Variants in STARD9 observed in about 807,000 individuals in gnomAD.
The protein encoded by STARD9 is StAR related lipid transfer domain containing 9.
A neutral mutation model predicts 399.8 loss-of-function variants in STARD9; 346 were observed. That is an observed-to-expected ratio of 0.87 (90% confidence interval 0.79 to 0.95). The LOEUF (loss-of-function observed/expected upper bound fraction) is 0.95. STARD9 is among the 40% of genes least tolerant of loss of function. The pLI, the probability that STARD9 is intolerant of heterozygous loss-of-function variation, is 0.00. For synonymous variants in STARD9, 2,203 were observed against 2,143.5 expected (o/e 1.03, Z -0.77); for missense variants, 5,832 against 5,667.5 (o/e 1.03, Z -0.93).
chr15:42,665,710 T>C lies in STARD9; in HGVS notation c.1255-76T>C. ...TTCCTTTATCTGCATCTTATCCTCC[T>C]CCACAAGTGTAAGGGTGGGACCTAC... On this transcript the variant is annotated intron_variant, in intron 14 of 32. Transcript: ENST00000290607. 5.9e-6 allele frequency: 7 copies of C among 1,185,126 alleles called. No individual in the cohort carries two copies. In the East Asian group the frequency reaches 1.8e-4, roughly 30 times the overall value. The allele number at this position is 1,185,126 out of a possible 1,614,324, so 73.4% of individuals were successfully genotyped here.
rs1403397809 is a variant in STARD9 at position 42,720,356 on chromosome 15, C to T, written c.*782C>T. The T allele has an allele frequency of 6.6e-6, 1 of 152,292 alleles. No homozygotes were observed. The highest frequency in any genetic ancestry group is 1.5e-5 in the Non-Finnish European group (1 of 68,132). The allele number at this position is 152,292 out of a possible 1,614,324, so 9.4% of individuals were successfully genotyped here. On this transcript the variant is annotated 3_prime_UTR_variant, in exon 33 of 33. Coordinates refer to ENST00000290607, the MANE Select transcript of STARD9 (RefSeq NM_020759.3). ...TTTGAGGACTGGTTGGAGTGGCAGC[C>T]AGATGGTGGCTGCTGACAAGGCAAG...
chr15:42,720,561 T>G lies in STARD9; in HGVS notation c.*987T>G, dbSNP rs1325387525. On this transcript the variant is annotated 3_prime_UTR_variant, in exon 33 of 33. Coordinates refer to ENST00000290607, the MANE Select transcript of STARD9 (RefSeq NM_020759.3). ...TGCCCTGGCCCCACCTATCCTAGGA[T>G]GGGGTGGGATGGAGAGTGGGTTCAG... 6.6e-6 allele frequency: 1 copy of G among 152,002 alleles called. No individual in the cohort carries two copies. Among genetic ancestry groups the G allele is most frequent in the Non-Finnish European group, 1.5e-5 (1 of 68,008 alleles). The allele number at this position is 152,002 out of a possible 1,614,324, so 9.4% of individuals were successfully genotyped here.
chr15:42,582,857 G>A (rs966746954), intron 1 of STARD9, among the ~76,000 whole-genome samples: 2 of 152,130 alleles, frequency 1.3e-5, no homozygotes, highest in African/African-American at 4.8e-5. Flanking sequence ...ACTGCTCCCC[G>A]CACTCTCTAG....
At chr15:42,652,174 A>G (rs553000467) in intron 8 of STARD9, among the ~76,000 whole-genome samples, 1 of 152,354 alleles carries the variant, frequency 6.6e-6, no homozygotes, top group South Asian at 2.1e-4. Context: ...AAAGTGAAAG[A>G]ATAAAATAAA....
chr15:42,595,431 T>A (rs1004158506), intron 3 of STARD9, among the ~76,000 whole-genome samples: 39 of 152,214 alleles, frequency 2.6e-4, no homozygotes, highest in African/African-American at 7.7e-4. Flanking sequence ...GTATTTCCAG[T>A]GCTGCACATC....
In STARD9 at chr15:42,575,658, C is replaced by CG. The variant is rs1396943535; in HGVS notation, c.-53dup. 1.3e-6 allele frequency: 2 copies of CG among 1,521,816 alleles called. No homozygotes were observed. The highest frequency in any genetic ancestry group is 2.7e-5 in the African/African-American group (2 of 72,788). 94.3% of individuals were successfully genotyped at this position (1,521,816 alleles called of 1,614,324 possible). A position where few individuals can be genotyped will look rare whatever the true frequency, so the allele number is the denominator to read the frequency against. On this transcript the variant is annotated 5_prime_UTR_variant, in exon 1 of 33. Transcript: ENST00000290607. Reference sequence around the variant, plus strand: ...GTTGGGGCTGTGTCTGGGCTTAGGGCGGGGGCCTGGGATGCTGCCGCTGAG... The same window carrying CG: ...GTTGGGGCTGTGTCTGGGCTTAGGGCGGGGGGCCTGGGATGCTGCCGCTGAG...
chr15:42,649,308 G>T (rs551002390), intron 7 of STARD9, among the ~76,000 whole-genome samples: 3 of 152,128 alleles, frequency 2.0e-5, no homozygotes, highest in Admixed American at 2.0e-4. Context: ...GATTACAGGC[G>T]TGAGCCACTG....
chr15:42,634,395 T>C (rs1233155760), intron 3 of STARD9, among the ~76,000 whole-genome samples: 1 of 152,190 alleles, frequency 6.6e-6, no homozygotes, highest in African/African-American at 2.4e-5. Context: ...AATAAATGCA[T>C]GTGGAAAACA....
chr15:42,687,410 T>A lies in STARD9; in HGVS notation c.5832T>A (p.Ala1944=), dbSNP rs1343641719. 3.3e-6 allele frequency: 5 copies of A among 1,536,934 alleles called. No homozygotes were observed. The highest frequency in any genetic ancestry group is 4.4e-6 in the Non-Finnish European group (5 of 1,146,924). The change falls in exon 23 of 33, where the codon GCT becomes GCA. Residue 1944 remains alanine, a synonymous_variant. Transcript: ENST00000290607. ...SLEKDMPGES[A]VSLKSRSVDR... ...AGAAAGACATGCCAGGGGAAAGTGC[T>A]GTTTCTTTGAAATCCAGATCAGTAG...
chr15:42,716,218 C>T (rs1003663946), intron 26 of STARD9, among the ~76,000 whole-genome samples: 1 of 152,140 alleles, frequency 6.6e-6, no homozygotes, highest in Non-Finnish European at 1.5e-5. Context: ...GGCTGCTGCA[C>T]CTGGGGTGGG....
At chr15:42,708,233 G>A (rs980679095) in intron 26 of STARD9, among the ~76,000 whole-genome samples, 2 of 152,246 alleles carry the variant, frequency 1.3e-5, no homozygotes, top group Non-Finnish European at 2.9e-5. Flanking sequence ...TGGTGTTTCA[G>A]TAGGGGATTA....
chr15:42,576,052 C>T (rs1595566247), intron 1 of STARD9, among the ~76,000 whole-genome samples: 1 of 152,162 alleles, frequency 6.6e-6, no homozygotes, highest in Non-Finnish European at 1.5e-5. Context: ...AGGCTTGCTG[C>T]ATCGGGTTGG....
At chr15:42,598,918 G>T (rs971789811) in intron 3 of STARD9, among the ~76,000 whole-genome samples, 3 of 151,738 alleles carry the variant, frequency 2.0e-5, no homozygotes, top group African/African-American at 4.8e-5. Context: ...TGTTTTTTTT[G>T]TTGTTGTTGT....
chr15:42,711,012 C>T (rs2061206943), intron 26 of STARD9, among the ~76,000 whole-genome samples: 2 of 151,536 alleles, frequency 1.3e-5, no homozygotes, highest in African/African-American at 4.9e-5. Flanking sequence ...GACAGGGTCT[C>T]TGTCACCTGG....
intron 26 of STARD9, among the ~76,000 whole-genome samples, chr15:42,716,243 CT>C (rs2061347461): frequency 6.6e-6 from 1 of 152,140 alleles, no homozygotes; most frequent in Non-Finnish European, 1.5e-5. Flanking sequence ...AAGCGTTCAG[CT>C]TTTCATAGCC....
intron 15 of STARD9, among the ~76,000 whole-genome samples, chr15:42,668,431 A>G (rs575026169): frequency 2.6e-5 from 4 of 151,566 alleles, no homozygotes; most frequent in Non-Finnish European, 5.9e-5. Flanking sequence ...GATAAGCTCA[A>G]TGCTTAGGCA....
At position 42,684,651 on chromosome 15, in the gene STARD9, G is replaced by A. The variant is rs917081937; in HGVS notation, c.3073G>A (p.Val1025Ile). The part of the protein sequence containing the change: ...PRQTAGHGKA[V>I]KTFWTEYKPP... The stretch of plus-strand genomic sequence containing the variant: ...GCAGACTGCTGGGCACGGAAAGGCA[G>A]TCAAGACTTTTTGGACAGAATACAA... Residue 1025 changes from valine (V) to isoleucine (I), a missense_variant, in exon 23 of 33, where the codon GTC becomes ATC. Transcript: ENST00000290607. 2 of 1,537,184 alleles carry A rather than the reference G, an allele frequency of 1.3e-6. No individual in the cohort carries two copies. The highest frequency in any genetic ancestry group is 3.9e-5 in the Admixed American group (2 of 50,988).
rs969912970 is a variant in STARD9 at position 42,685,251 on chromosome 15, G to A, written c.3673G>A (p.Gly1225Ser). 9 of 1,537,328 alleles carry A rather than the reference G, an allele frequency of 5.9e-6. No individual in the cohort carries two copies. The highest frequency in any genetic ancestry group is 2.0e-5 in the Admixed American group (1 of 50,978). ...AGATCAGCAAGAAGAACCTTTCCCT[G>A]GTTCAGCTGACGAGATACCCACAGA... Reference protein sequence around the residue: ...GEDQQEEPFPGSADEIPTETF... With the variant: ...GEDQQEEPFPSSADEIPTETF... Residue 1225 changes from glycine to serine, a missense_variant, in exon 23 of 33, where the codon GGT becomes AGT. Gly to Ser is a moderately conservative substitution (Grantham distance 56). Coordinates refer to ENST00000290607, the MANE Select transcript of STARD9 (RefSeq NM_020759.3).
In STARD9 at chr15:42,652,534, C is replaced by T; in HGVS notation, c.644C>T (p.Thr215Ile). ...TGTATACACAGAATCACAGCAGCCA[C>T]CCATGTTCATGAGGCCAGCAGCAGA... ...EGIANRITAA[T>I]HVHEASSRSH... The change falls in exon 9 of 33, where the codon ACC (threonine) becomes ATC (isoleucine). Residue 215 changes from threonine (T) to isoleucine (I), a missense_variant. Physicochemically the swap from Thr to Ile is moderately conservative, Grantham distance 89 (BLOSUM62 -1). This residue lies in a region of STARD9 where 5,828 missense variants were observed against 5,651.1 expected (regional missense o/e 1.03). Transcript: ENST00000290607. The T allele has an allele frequency of 2.0e-6, 3 of 1,537,504 alleles. No individual in the cohort carries two copies. The highest frequency in any genetic ancestry group is 2.6e-6 in the Non-Finnish European group (3 of 1,146,950).
Sources: gnomAD v4.1 joint callset for allele counts (sites outside exome capture counted in the v4.1 genomes callset) on GRCh38, gnomAD v4.1.1 for gene constraint, gnomAD v4.1.1 regional missense constraint, MANE v1.5 for transcripts, NCBI Gene and HGNC (gene_info 2026-07-23, HGNC 2026-07-21) for gene names.